The following RHEB variants were observed in gnomAD, a reference collection of about 807,000 sequenced individuals.
RHEB encodes the protein Ras homolog, mTORC1 binding, also known as GTP-binding protein Rheb.
A neutral mutation model predicts 28.8 loss-of-function variants in RHEB; 2 were observed. That is an observed-to-expected ratio of 0.07 (90% CI 0.03 to 0.22). The LOEUF is 0.22. Among genes scored for constraint, RHEB ranks in the 10% least tolerant of loss-of-function variants. The pLI is 1.00. For synonymous variants in RHEB, 69 were observed against 77.3 expected, an observed-to-expected ratio of 0.89 and a Z score of 0.56; for missense variants, 76 against 219.9, an observed-to-expected ratio of 0.35 and a Z score of 4.14.
intron 1 of RHEB, among the ~76,000 whole-genome samples, chr7:151,517,690 C>CAAAA (rs554116118): frequency 1.3e-4 from 10 of 76,788 alleles, no homozygotes; most frequent in African/African-American, 3.5e-4. Context: ...CTTCTGTAGC[C>CAAAA]AAAAAAAAAA....
At chr7:151,502,420 A>G in intron 1 of RHEB, 6 of 808,708 alleles carry the variant, frequency 7.4e-6, no homozygotes, top group Non-Finnish European at 1.3e-5. Context: ...CATCTATACA[A>G]CAAAGGCTCA....
chr7:151,516,947 T>G (rs911267597), intron 1 of RHEB, among the ~76,000 whole-genome samples: 3 of 152,292 alleles, frequency 2.0e-5, no homozygotes, highest in Non-Finnish European at 4.4e-5. Flanking sequence ...CTCCCAGAAG[T>G]GAGCATGCTG....
intron 4 of RHEB, among the ~76,000 whole-genome samples, chr7:151,476,091 G>A (rs887036915): frequency 1.3e-5 from 2 of 152,110 alleles, no homozygotes; most frequent in South Asian, 2.1e-4. Flanking sequence ...AAACTTTCTC[G>A]GGGATTGACA....
chr7:151,502,307 A>T lies in RHEB; in HGVS notation c.53-11293T>A. Reference sequence around the variant, plus strand: ...CATGATATCACTGATCATTCCTCCCAAAGACCAGATTTCACCAGTGGCAAA... The same window carrying T: ...CATGATATCACTGATCATTCCTCCCTAAGACCAGATTTCACCAGTGGCAAA... On this transcript the variant is annotated intron_variant, in intron 1 of 7. Transcript: ENST00000262187. The T allele has an allele frequency of 3.9e-6, 3 of 772,684 alleles. No individual in the cohort carries two copies. The Admixed American group carries it at 5.8e-5, about 15-fold the overall frequency. The allele number at this position is 772,684 out of a possible 1,614,324, so 47.9% of individuals were successfully genotyped here.
intron 1 of RHEB, among the ~76,000 whole-genome samples, chr7:151,512,808 T>A (rs1052459561): frequency 4.6e-5 from 7 of 152,092 alleles, no homozygotes; most frequent in African/African-American, 1.7e-4. Flanking sequence ...CTCTAAGGGG[T>A]TTACCAAAAT....
At chr7:151,473,392 G>T (rs950012192) in intron 4 of RHEB, among the ~76,000 whole-genome samples, 3 of 152,188 alleles carry the variant, frequency 2.0e-5, no homozygotes, top group Non-Finnish European at 4.4e-5. Context: ...CTTCAGATGG[G>T]ACTGCAGCCC....
At chr7:151,481,161 AC>A (rs1430282731) in intron 3 of RHEB, among the ~76,000 whole-genome samples, 1 of 150,966 alleles carries the variant, frequency 6.6e-6, no homozygotes, top group East Asian at 1.9e-4. Flanking sequence ...TCACATTCTT[AC>A]CCCAAAATTC....
At chr7:151,487,321 T>C (rs188148606) in intron 2 of RHEB, among the ~76,000 whole-genome samples, 1 of 152,006 alleles carries the variant, frequency 6.6e-6, no homozygotes, top group African/African-American at 2.4e-5. Context: ...AAATAAATTA[T>C]AAAATAAAGC....
intron 1 of RHEB, among the ~76,000 whole-genome samples, chr7:151,501,116 GA>G (rs1347870903): frequency 1.3e-5 from 2 of 151,966 alleles, no homozygotes; most frequent in Non-Finnish European, 2.9e-5. Context: ...ATCCATAAAA[GA>G]AAAAAATAAC....
intron 1 of RHEB, among the ~76,000 whole-genome samples, chr7:151,501,374 A>G (rs995552294): frequency 5.3e-5 from 8 of 152,260 alleles, no homozygotes; most frequent in Non-Finnish European, 7.3e-5. Context: ...TCCATTAGGG[A>G]AATGTAAATT....
intron 2 of RHEB, among the ~76,000 whole-genome samples, chr7:151,486,570 A>G (rs1802479657): frequency 6.6e-6 from 1 of 152,228 alleles, no homozygotes; most frequent in African/African-American, 2.4e-5. Flanking sequence ...AGAACGGTAG[A>G]TAGCTAACTA....
intron 1 of RHEB, among the ~76,000 whole-genome samples, chr7:151,508,518 TG>T (rs2150937590): frequency 6.6e-6 from 1 of 152,354 alleles, no homozygotes; most frequent in East Asian, 1.9e-4. Context: ...ATCCATCACA[TG>T]TTGAAATAAC....
At chr7:151,497,624 C>T (rs910678382) in intron 1 of RHEB, among the ~76,000 whole-genome samples, 3 of 152,174 alleles carry the variant, frequency 2.0e-5, no homozygotes, top group African/African-American at 7.2e-5. Context: ...TCCCGATCGC[C>T]GCTATCCTCT....
intron 3 of RHEB, among the ~76,000 whole-genome samples, chr7:151,480,548 A>C (rs1222091757): frequency 6.6e-6 from 1 of 152,054 alleles, no homozygotes; most frequent in African/African-American, 2.4e-5. Flanking sequence ...TTTACTATTT[A>C]CACCTTTTGG....
intron 1 of RHEB, among the ~76,000 whole-genome samples, chr7:151,510,112 A>G (rs1028402150): frequency 6.6e-6 from 1 of 152,276 alleles, no homozygotes; most frequent in Middle Eastern, 3.4e-3. Context: ...TGGCAAACAC[A>G]TGAGTCCCGA....
chr7:151,504,448 T>A (rs539465578), intron 1 of RHEB, among the ~76,000 whole-genome samples: 2 of 152,152 alleles, frequency 1.3e-5, no homozygotes, highest in South Asian at 4.1e-4. Context: ...TCTGCATATA[T>A]GAAAAGTCGG....
At chr7:151,476,538 T>C (rs1802275600) in intron 4 of RHEB, among the ~76,000 whole-genome samples, 1 of 152,202 alleles carries the variant, frequency 6.6e-6, no homozygotes, top group Admixed American at 6.5e-5. Flanking sequence ...CTCAGTTTCT[T>C]TCCACGTAAA....
chr7:151,484,536 A>G (rs543496858), intron 3 of RHEB, among the ~76,000 whole-genome samples: 10 of 152,318 alleles, frequency 6.6e-5, no homozygotes, highest in African/African-American at 2.2e-4. Context: ...TTGAAAATGT[A>G]TCAAATACCT....
intron 4 of RHEB, among the ~76,000 whole-genome samples, chr7:151,476,708 TAA>T (rs1159746869): frequency 1.3e-5 from 2 of 152,200 alleles, no homozygotes; most frequent in Admixed American, 6.5e-5. Flanking sequence ...GATATTTTCA[TAA>T]AGTCTTCAAA....
Sources: allele counts gnomAD v4.1 joint callset (sites outside exome capture counted in the v4.1 genomes callset), GRCh38; gene constraint gnomAD v4.1.1; transcripts MANE v1.5; gene names NCBI Gene and HGNC (gene_info 2026-07-23, HGNC 2026-07-21).